GRID2: variants seen among roughly 807,000 people sequenced by gnomAD.
GRID2 encodes glutamate receptor ionotropic, delta-2.
In GRID2, 33 loss-of-function variants were observed where a neutral mutation model predicts 114.8. That is an observed-to-expected ratio of 0.29 (90% CI 0.22 to 0.38). The LOEUF (loss-of-function observed/expected upper bound fraction) is 0.38. GRID2 is among the 10% of genes least tolerant of loss of function. The pLI is 1.00. For missense variants in GRID2, 1,184 were observed against 1,257.7 expected (o/e 0.94, Z 0.89); for synonymous variants, 505 against 449.9 (o/e 1.12, Z -1.55).
chr4:93,316,291 C>CGAACGAAA (rs1756595128), intron 8 of GRID2, among the ~76,000 whole-genome samples: 1 of 77,122 alleles, frequency 1.3e-5, no homozygotes, highest in Non-Finnish European at 2.5e-5. Flanking sequence ...AACGAAAGAA[C>CGAACGAAA]GAAAGAAAGA....
At chr4:92,482,005 T>G (rs1391909308) in intron 1 of GRID2, among the ~76,000 whole-genome samples, 3 of 61,262 alleles carry the variant, frequency 4.9e-5, no homozygotes, top group African/African-American at 1.7e-4. Flanking sequence ...TATATATATA[T>G]ATATATATAT....
intron 2 of GRID2, among the ~76,000 whole-genome samples, chr4:92,736,624 T>G (rs867250278): frequency 6.6e-6 from 1 of 152,218 alleles, no homozygotes; most frequent in Middle Eastern, 3.4e-3. Flanking sequence ...AAACACGTAC[T>G]TAGGCTTTTG....
intron 13 of GRID2, among the ~76,000 whole-genome samples, chr4:93,572,871 G>A (rs1736060209): frequency 6.6e-6 from 1 of 152,052 alleles, no homozygotes; most frequent in Non-Finnish European, 1.5e-5. Flanking sequence ...CTAAATTGCA[G>A]CCTCTCACTT....
chr4:93,085,359 AG>A, intron 3 of GRID2, 80 bp downstream of exon 3: 1 of 1,080,116 alleles, frequency 9.3e-7, no homozygotes, highest in Non-Finnish European at 1.4e-6. Flanking sequence ...AAAAGTTTCA[AG>A]GGTCTTACTC....
chr4:93,769,163 C>A, intron 14 of GRID2, 47 bp from the exon 15 acceptor site: 1 of 1,599,616 alleles, frequency 6.3e-7, no homozygotes, highest in Non-Finnish European at 8.6e-7. Flanking sequence ...TGAACCAGGG[C>A]GATAACTATG....
chr4:93,119,477 C>T (rs1733583535), intron 4 of GRID2, among the ~76,000 whole-genome samples: 1 of 152,034 alleles, frequency 6.6e-6, no homozygotes, highest in African/African-American at 2.4e-5. Context: ...AGAAGATACG[C>T]CAATTCTTTG....
intron 2 of GRID2, among the ~76,000 whole-genome samples, chr4:92,636,540 A>C (rs1731075326): frequency 6.6e-6 from 1 of 152,066 alleles, no homozygotes; most frequent in African/African-American, 2.4e-5. Flanking sequence ...TTTCACAGTC[A>C]CATGGTGGTA....
intron 8 of GRID2, among the ~76,000 whole-genome samples, chr4:93,276,851 C>T (rs1033785868): frequency 1.3e-5 from 2 of 151,772 alleles, no homozygotes; most frequent in East Asian, 3.9e-4. Context: ...GCTAGTAAAA[C>T]TTTTACTCCT....
intron 2 of GRID2, among the ~76,000 whole-genome samples, chr4:92,640,046 T>C (rs1285663317): frequency 6.6e-6 from 1 of 151,810 alleles, no homozygotes; most frequent in Non-Finnish European, 1.5e-5. Context: ...TACCTGGCAA[T>C]GGCATATATA....
intron 1 of GRID2, among the ~76,000 whole-genome samples, chr4:92,475,616 A>G (rs927214630): frequency 5.3e-5 from 8 of 152,102 alleles, no homozygotes; most frequent in African/African-American, 1.9e-4. Context: ...AGATGCCTCC[A>G]AATTTGTTAT....
chr4:92,546,263 CCAA>C (rs1325470633), intron 1 of GRID2, among the ~76,000 whole-genome samples: 1 of 152,054 alleles, frequency 6.6e-6, no homozygotes. Context: ...CACAGAGAAA[CCAA>C]CATGCAAAAG....
At chr4:93,552,338 A>G (rs1269430403) in intron 13 of GRID2, among the ~76,000 whole-genome samples, 1 of 152,160 alleles carries the variant, frequency 6.6e-6, no homozygotes, top group Non-Finnish European at 1.5e-5. Context: ...TGCAATAAAC[A>G]TACATGTGCC....
intron 8 of GRID2, among the ~76,000 whole-genome samples, chr4:93,373,815 T>C (rs1763138869): frequency 6.6e-6 from 1 of 152,200 alleles, no homozygotes; most frequent in Admixed American, 6.5e-5. Flanking sequence ...TTTTGTTGTT[T>C]CTAGTTCCAA....
intron 8 of GRID2, among the ~76,000 whole-genome samples, chr4:93,240,628 A>G (rs1317986137): frequency 6.6e-6 from 1 of 151,176 alleles, no homozygotes; most frequent in Non-Finnish European, 1.5e-5. Flanking sequence ...CATCCTTATT[A>G]TTATTGCTGT....
chr4:93,620,852 T>C (rs1396387027), intron 13 of GRID2, among the ~76,000 whole-genome samples: 2 of 152,070 alleles, frequency 1.3e-5, no homozygotes, highest in African/African-American at 4.8e-5. Context: ...ATATTTGGGG[T>C]TTTCTTATAC....
At chr4:92,406,437 G>A (rs942039710) in intron 1 of GRID2, among the ~76,000 whole-genome samples, 1 of 152,094 alleles carries the variant, frequency 6.6e-6, no homozygotes, top group African/African-American at 2.4e-5. Context: ...GAAAACATGT[G>A]CACAGTTCTT....
chr4:92,367,473 TGGAAAGAATGAG>T (rs1434362019), intron 1 of GRID2, among the ~76,000 whole-genome samples: 2 of 151,704 alleles, frequency 1.3e-5, no homozygotes, highest in Non-Finnish European at 2.9e-5. Flanking sequence ...GAGCTTGCCA[TGGAAAGAATGAG>T]AGGAGGAATG....
rs909440896 is a variant in GRID2, at chr4:93,412,239, C to A, written c.1348-10532C>A. Among the ~76,000 whole-genome samples, 42 of 148,994 alleles carry A rather than the reference C, an allele frequency of 2.8e-4. 1 individual carries two copies. The highest frequency in any genetic ancestry group is 8.2e-4 in the East Asian group (4 of 4,856). On this transcript the variant is annotated intron_variant, in intron 9 of 15. Transcript: ENST00000282020. ...GCATAGTAAGACCCATCCCCCCCCC[C>A]CAAAAAAAAATACCAGGCATAACAG...
At chr4:93,261,728 G>A (rs1293604783) in intron 8 of GRID2, among the ~76,000 whole-genome samples, 1 of 151,764 alleles carries the variant, frequency 6.6e-6, no homozygotes, top group Non-Finnish European at 1.5e-5. Flanking sequence ...AGGATTTTGA[G>A]AAACTCTAAA....
Sources: gnomAD v4.1 joint callset for allele counts (sites outside exome capture counted in the v4.1 genomes callset) on GRCh38, gnomAD v4.1.1 for gene constraint, MANE v1.5 for transcripts, NCBI Gene and HGNC (gene_info 2026-07-23, HGNC 2026-07-21) for gene names.